The following GALNT1 variants were observed in gnomAD, a reference collection of about 807,000 sequenced individuals.
The protein encoded by GALNT1 is GalNAc transferase 1.
Under a neutral mutation model 65.7 loss-of-function variants are expected in GALNT1, and 17 were observed. The ratio of observed to expected loss-of-function variants is 0.26; its 90% CI spans 0.18 to 0.39. The LOEUF (loss-of-function observed/expected upper bound fraction) is 0.39. Ranked by LOEUF, GALNT1 falls within the 10% of genes least tolerant of loss-of-function variation. The pLI is 1.00. For missense variants in GALNT1, 460 were observed against 672.8 expected, an observed-to-expected ratio of 0.68 and a Z score of 3.50; for synonymous variants, 210 against 219.7, an observed-to-expected ratio of 0.96 and a Z score of 0.39.
At chr18:35,619,432 G>A (rs1485536936) in intron 1 of GALNT1, among the ~76,000 whole-genome samples, 5 of 152,022 alleles carry the variant, frequency 3.3e-5, no homozygotes, top group Admixed American at 3.3e-4. Flanking sequence ...TCATCTAAGG[G>A]TACTACTGTC....
At chr18:35,647,408 T>G (rs1390568172) in intron 1 of GALNT1, among the ~76,000 whole-genome samples, 1 of 152,062 alleles carries the variant, frequency 6.6e-6, no homozygotes, top group Non-Finnish European at 1.5e-5. Flanking sequence ...TTCCCTACAT[T>G]TACTGTTTGG....
intron 1 of GALNT1, among the ~76,000 whole-genome samples, chr18:35,613,301 C>T (rs950737167): frequency 2.0e-5 from 3 of 152,104 alleles, no homozygotes; most frequent in Non-Finnish European, 4.4e-5. Flanking sequence ...GAAAAATACT[C>T]AGCAGACTAT....
rs545140758 is a variant in GALNT1 at position 35,586,904 on chromosome 18, C to CT, written c.-104+5043dup. On this transcript the variant is annotated intron_variant, in intron 1 of 11. Coordinates refer to ENST00000269195, the MANE Select transcript of GALNT1 (RefSeq NM_020474.4). Reference sequence around the variant, plus strand: ...GCTTTTGATACAAATTGCAGTAGACCTGTATCAGTATGGAGAAGATCGACG... The same window carrying CT: ...GCTTTTGATACAAATTGCAGTAGACCTTGTATCAGTATGGAGAAGATCGACG... 1.7e-3 allele frequency among the ~76,000 whole-genome samples: 254 copies of CT among 152,206 alleles called. 2 individuals are homozygous for CT. The highest frequency in any genetic ancestry group is 9.9e-3 in the Admixed American group (151 of 15,300).
chr18:35,677,881 C>A, intron 4 of GALNT1, 124 bp downstream of exon 4: 2 of 653,164 alleles, frequency 3.1e-6, no homozygotes, highest in Non-Finnish European at 4.9e-6. Context: ...AAAAATATGG[C>A]ATTTGGATTC....
intron 1 of GALNT1, among the ~76,000 whole-genome samples, chr18:35,582,709 C>G (rs544592569): frequency 6.6e-6 from 1 of 152,288 alleles, no homozygotes; most frequent in Admixed American, 6.5e-5. Context: ...GTGTCAAGAA[C>G]GCTGAGAGTT....
intron 1 of GALNT1, among the ~76,000 whole-genome samples, chr18:35,643,725 G>C (rs1204417335): frequency 5.3e-5 from 8 of 151,574 alleles, no homozygotes; most frequent in Non-Finnish European, 1.0e-4. Flanking sequence ...GTGAACCGGG[G>C]AGGTGGAGCT....
intron 1 of GALNT1, among the ~76,000 whole-genome samples, chr18:35,652,299 C>T (rs1242712346): frequency 6.6e-6 from 1 of 152,154 alleles, no homozygotes; most frequent in East Asian, 1.9e-4. Flanking sequence ...TTTGTTATCT[C>T]AGCCTCATAG....
intron 1 of GALNT1, among the ~76,000 whole-genome samples, chr18:35,634,436 A>G (rs2047062845): frequency 6.6e-6 from 1 of 152,212 alleles, no homozygotes; most frequent in Non-Finnish European, 1.5e-5. Flanking sequence ...CACATGATCC[A>G]GCATCAGTTG....
chr18:35,661,877 A>G (rs540995623), intron 2 of GALNT1, among the ~76,000 whole-genome samples: 1 of 152,302 alleles, frequency 6.6e-6, no homozygotes, highest in East Asian at 1.9e-4. Flanking sequence ...TTTTCTATAA[A>G]GCATTTTATA....
intron 5 of GALNT1, among the ~76,000 whole-genome samples, chr18:35,686,531 G>A (rs2047870239): frequency 6.6e-6 from 1 of 152,142 alleles, no homozygotes; most frequent in Admixed American, 6.5e-5. Context: ...ACAGGGTAGG[G>A]TCTAGAAACC....
At chr18:35,709,508 A>T (rs2048321740) in intron 11 of GALNT1, 116 bp from the exon 12 acceptor site, 1 of 960,780 alleles carries the variant, frequency 1.0e-6, no homozygotes, top group African/African-American at 1.7e-5. Context: ...TTGTCTTTTA[A>T]ATAATGTATA....
intron 1 of GALNT1, among the ~76,000 whole-genome samples, chr18:35,609,934 A>T (rs1227958267): frequency 6.6e-6 from 1 of 152,226 alleles, no homozygotes; most frequent in African/African-American, 2.4e-5. Context: ...ATCGAGGTTG[A>T]AAATAGTTCT....
chr18:35,669,971 A>G (rs772040358), intron 3 of GALNT1, among the ~76,000 whole-genome samples: 13 of 152,234 alleles, frequency 8.5e-5, no homozygotes, highest in Non-Finnish European at 1.6e-4. Flanking sequence ...ACAAAAATCC[A>G]AAAGAATTAG....
At chr18:35,657,291 C>T (rs1448478796) in intron 2 of GALNT1, among the ~76,000 whole-genome samples, 1 of 152,140 alleles carries the variant, frequency 6.6e-6, no homozygotes, top group African/African-American at 2.4e-5. Context: ...GATGGGGTTT[C>T]ACCATGTTGC....
intron 2 of GALNT1, among the ~76,000 whole-genome samples, chr18:35,660,218 A>G (rs1203594247): frequency 1.5e-5 from 2 of 130,122 alleles, no homozygotes; most frequent in African/African-American, 6.1e-5. Flanking sequence ...TTACCCCAAA[A>G]AGAAGTCATA....
intron 3 of GALNT1, among the ~76,000 whole-genome samples, chr18:35,673,078 A>G (rs1439914793): frequency 6.6e-6 from 1 of 152,222 alleles, no homozygotes; most frequent in East Asian, 1.9e-4. Flanking sequence ...TCTCTGAATG[A>G]GAGTGTACAG....
At chr18:35,602,199 G>C (rs1439147391) in intron 1 of GALNT1, among the ~76,000 whole-genome samples, 1 of 152,086 alleles carries the variant, frequency 6.6e-6, no homozygotes, top group East Asian at 1.9e-4. Flanking sequence ...CTCCCTTTTG[G>C]CTTGTGTAGT....
At chr18:35,596,838 C>G (rs2143913955) in intron 1 of GALNT1, 1 of 152,384 alleles carries the variant, frequency 6.6e-6, no homozygotes, top group South Asian at 2.1e-4. Context: ...TTCTTATCCT[C>G]AGCAGAGCCT....
chr18:35,681,087 CCTT>C (rs1382284528), intron 4 of GALNT1, among the ~76,000 whole-genome samples: 1 of 152,002 alleles, frequency 6.6e-6, no homozygotes, highest in Non-Finnish European at 1.5e-5. Flanking sequence ...CTCTACTACT[CCTT>C]AGAGTTTTGG....
Sources: allele counts gnomAD v4.1 joint callset (sites outside exome capture counted in the v4.1 genomes callset), GRCh38; gene constraint gnomAD v4.1.1; transcripts MANE v1.5; gene names NCBI Gene and HGNC (gene_info 2026-07-23, HGNC 2026-07-21).